BTBD9: variants seen among roughly 807,000 people sequenced by gnomAD.
BTBD9 encodes BTB domain containing 9, also known as BTB/POZ domain-containing protein 9.
Under a neutral mutation model 64.3 loss-of-function variants are expected in BTBD9, and 49 were observed. The ratio of observed to expected loss-of-function variants is 0.76; its 90% CI spans 0.61 to 0.97. The LOEUF (loss-of-function observed/expected upper bound fraction) is 0.97, where lower values mean the gene tolerates loss of function less well. BTBD9 is among the 50% of genes least tolerant of loss of function. The pLI is 0.00. For missense variants in BTBD9, 598 were observed against 762.1 expected (o/e 0.78, Z 2.53); for synonymous variants, 260 against 274.7 (o/e 0.95, Z 0.53).
chr6:38,371,116 G>C (rs774884330), intron 6 of BTBD9, among the ~76,000 whole-genome samples: 18 of 152,096 alleles, frequency 1.2e-4, no homozygotes, highest in Admixed American at 2.6e-4. Flanking sequence ...TGACTGAGTG[G>C]TCAGCAAAAA....
chr6:38,408,607 T>C (rs1767276077), intron 6 of BTBD9, among the ~76,000 whole-genome samples: 1 of 152,208 alleles, frequency 6.6e-6, no homozygotes, highest in Admixed American at 6.5e-5. Context: ...ATTTGCATGT[T>C]GGCTTAACAA....
chr6:38,272,843 A>AC (rs1765241558), intron 8 of BTBD9, among the ~76,000 whole-genome samples: 1 of 151,130 alleles, frequency 6.6e-6, no homozygotes, highest in Admixed American at 6.6e-5. Context: ...GGAGATGAAT[A>AC]CAGAAAGGTC....
At chr6:38,498,411 C>T (rs1772049429) in intron 6 of BTBD9, among the ~76,000 whole-genome samples, 2 of 138,772 alleles carry the variant, frequency 1.4e-5, no homozygotes, top group Admixed American at 1.5e-4. Context: ...TTTAGAGACA[C>T]ATATATTTCA....
chr6:38,306,318 G>A (rs1384686706), intron 7 of BTBD9, among the ~76,000 whole-genome samples: 1 of 152,146 alleles, frequency 6.6e-6, no homozygotes, highest in Non-Finnish European at 1.5e-5. Flanking sequence ...CCAGTGTCTT[G>A]TATCTGTCTC....
rs1776934089 is a variant in BTBD9 at position 38,594,109 on chromosome 6, G to A, written c.404C>T (p.Thr135Ile). 6.2e-7 allele frequency: 1 copy of A among 1,614,008 alleles called. No homozygotes were observed. The highest frequency in any genetic ancestry group is 8.5e-7 in the Non-Finnish European group (1 of 1,180,018). ...GCAGACATTCTGAATGTTAAGTATG[G>A]TGCAGAGATACTCAGAGGTAGAATC... ...LEDSTSEYLC[T>I]ILNIQNVCMT... Residue 135 changes from threonine to isoleucine, a missense_variant, in exon 3 of 11, where the codon ACC becomes ATC. Physicochemically the swap from Thr to Ile is moderately conservative, Grantham distance 89 (BLOSUM62 -1). Coordinates refer to ENST00000481247, the MANE Select transcript of BTBD9 (RefSeq NM_001099272.2).
At chr6:38,260,091 TTGTC>T (rs1322744422) in intron 8 of BTBD9, among the ~76,000 whole-genome samples, 2 of 152,328 alleles carry the variant, frequency 1.3e-5, no homozygotes, top group South Asian at 2.1e-4. Flanking sequence ...GCTCCTATGT[TTGTC>T]TGGTTCTTAT....
chr6:38,591,379 A>T (rs962697058), intron 4 of BTBD9, among the ~76,000 whole-genome samples: 1 of 152,210 alleles, frequency 6.6e-6, no homozygotes, highest in Non-Finnish European at 1.5e-5. Context: ...CAAGCTTCAT[A>T]ACCTCCATGA....
At chr6:38,258,498 T>C (rs948607902) in intron 8 of BTBD9, among the ~76,000 whole-genome samples, 5 of 152,358 alleles carry the variant, frequency 3.3e-5, no homozygotes, top group African/African-American at 1.2e-4. Context: ...TTGAAGGCAG[T>C]GTCTACGTCT....
At chr6:38,433,720 G>A (rs1002492372) in intron 6 of BTBD9, among the ~76,000 whole-genome samples, 1 of 151,854 alleles carries the variant, frequency 6.6e-6, no homozygotes, top group African/African-American at 2.4e-5. Context: ...CTCTTCACAT[G>A]GACACATGTG....
chr6:38,591,747 C>T (rs958509697), intron 4 of BTBD9, among the ~76,000 whole-genome samples: 1 of 152,104 alleles, frequency 6.6e-6, no homozygotes, highest in Non-Finnish European at 1.5e-5. Flanking sequence ...GTTCTTGATA[C>T]ATACTATGCA....
chr6:38,185,449 C>G (rs1204811260), intron 10 of BTBD9, among the ~76,000 whole-genome samples: 1 of 152,154 alleles, frequency 6.6e-6, no homozygotes, highest in Non-Finnish European at 1.5e-5. Flanking sequence ...TTGCACATTG[C>G]CGTCTATTAT....
chr6:38,282,371 T>C (rs191717167), intron 8 of BTBD9, among the ~76,000 whole-genome samples: 1 of 152,134 alleles, frequency 6.6e-6, no homozygotes, highest in African/African-American at 2.4e-5. Context: ...TATGCTACCT[T>C]GGGAATGAGA....
intron 6 of BTBD9, among the ~76,000 whole-genome samples, chr6:38,544,969 G>T (rs1303862196): frequency 1.4e-5 from 2 of 147,528 alleles, no homozygotes; most frequent in East Asian, 3.9e-4. Context: ...AGACTGATAA[G>T]GGGAGATGGT....
At chr6:38,438,206 AGGAGGGAG>A (rs748681270) in intron 6 of BTBD9, among the ~76,000 whole-genome samples, 54 of 98,430 alleles carry the variant, frequency 5.5e-4, no homozygotes, top group South Asian at 2.4e-3. Context: ...GAGGAAAGGA[AGGAGGGAG>A]GGAGGGAGGG....
At chr6:38,216,376 A>AT (rs778567280) in intron 9 of BTBD9, among the ~76,000 whole-genome samples, 7 of 152,300 alleles carry the variant, frequency 4.6e-5, no homozygotes, top group Non-Finnish European at 1.0e-4. Context: ...CTGGTACAGG[A>AT]TCTGTGGAGC....
chr6:38,305,010 C>T (rs913245865), intron 7 of BTBD9, among the ~76,000 whole-genome samples: 3 of 151,874 alleles, frequency 2.0e-5, no homozygotes, highest in Admixed American at 6.6e-5. Context: ...GTATTCCCAC[C>T]GCCAAGAAAC....
intron 9 of BTBD9, 74 bp from the exon 10 acceptor site, chr6:38,192,671 T>A: frequency 7.4e-7 from 1 of 1,356,490 alleles, no homozygotes; most frequent in East Asian, 2.3e-5. Context: ...GATGGAGTCA[T>A]GTCCACTGAG....
chr6:38,410,317 G>C (rs1582383570), intron 6 of BTBD9, among the ~76,000 whole-genome samples: 1 of 151,408 alleles, frequency 6.6e-6, no homozygotes, highest in African/African-American at 2.4e-5. Context: ...TCTACAAAAA[G>C]TTTAAAAATT....
chr6:38,332,974 T>C (rs991219146), intron 7 of BTBD9, among the ~76,000 whole-genome samples: 2 of 152,204 alleles, frequency 1.3e-5, no homozygotes, highest in African/African-American at 4.8e-5. Flanking sequence ...CAACAGAATT[T>C]GTGACTGCAC....
Sources: allele counts gnomAD v4.1 joint callset (sites outside exome capture counted in the v4.1 genomes callset), GRCh38; gene constraint gnomAD v4.1.1; transcripts MANE v1.5; gene names NCBI Gene and HGNC (gene_info 2026-07-23, HGNC 2026-07-21).